Variants in CHCHD6 observed in about 807,000 individuals in gnomAD.
The protein encoded by CHCHD6 is MICOS complex subunit MIC25.
Under a neutral mutation model 32.3 loss-of-function variants are expected in CHCHD6, and 28 were observed. The observed-to-expected ratio is 0.87, with a 90% confidence interval of 0.64 to 1.19. The LOEUF (loss-of-function observed/expected upper bound fraction) is 1.19, where lower values mean the gene tolerates loss of function less well. Among genes scored for constraint, CHCHD6 ranks in the 50% most tolerant of loss-of-function variants. CHCHD6 has a pLI of 0.00. For missense variants in CHCHD6, 333 were observed against 307.0 expected (o/e 1.08, Z -0.63); for synonymous variants, 122 against 117.5 (o/e 1.04, Z -0.25).
chr3:126,897,333 C>A (rs972713636), intron 5 of CHCHD6, among the ~76,000 whole-genome samples: 1 of 152,196 alleles, frequency 6.6e-6, no homozygotes, highest in Non-Finnish European at 1.5e-5. Flanking sequence ...TAGATAACGA[C>A]TCTGAAAGAT....
Position 126,818,436 on chromosome 3 carries a change from C to T in CHCHD6, c.412-34211C>T, listed in dbSNP as rs141492191. 2.2e-3 allele frequency among the ~76,000 whole-genome samples: 332 copies of T among 152,268 alleles called. 1 individual carries two copies. Among genetic ancestry groups the T allele is most frequent in the African/African-American group, 7.7e-3 (320 of 41,550 alleles). The stretch of plus-strand genomic sequence containing the variant: ...GATCCCCTCAGTGACAGACAGCCTG[C>T]TTCTCTGCCTTTCATTTGTTTGTTA... On this transcript the variant is annotated intron_variant, in intron 4 of 7. Transcript: ENST00000290913.
chr3:126,843,009 A>G (rs1941160757), intron 4 of CHCHD6, among the ~76,000 whole-genome samples: 1 of 152,110 alleles, frequency 6.6e-6, no homozygotes, highest in African/African-American at 2.4e-5. Context: ...GTCTTAGGGA[A>G]AGAGCCTTCA....
chr3:126,872,080 C>CT (rs879329036), intron 5 of CHCHD6, among the ~76,000 whole-genome samples: 3 of 152,166 alleles, frequency 2.0e-5, no homozygotes, highest in Non-Finnish European at 4.4e-5. Flanking sequence ...ACCAGGGGTG[C>CT]TTTTGCCCTT....
intron 1 of CHCHD6, among the ~76,000 whole-genome samples, chr3:126,717,514 G>A (rs1935076670): frequency 6.6e-6 from 1 of 152,178 alleles, no homozygotes; most frequent in Non-Finnish European, 1.5e-5. Flanking sequence ...TGCACCTATA[G>A]TCCTGGCTAC....
chr3:126,836,341 CT>C (rs750361990), intron 4 of CHCHD6, among the ~76,000 whole-genome samples: 8 of 152,198 alleles, frequency 5.3e-5, no homozygotes, highest in South Asian at 2.1e-4. Context: ...TCCCTAAGAT[CT>C]TCGTGGCCTT....
chr3:126,756,062 T>C (rs1936946020), intron 4 of CHCHD6, among the ~76,000 whole-genome samples: 1 of 152,104 alleles, frequency 6.6e-6, no homozygotes, highest in Non-Finnish European at 1.5e-5. Context: ...GAATCCCTGT[T>C]GCAGCAGCTG....
intron 4 of CHCHD6, among the ~76,000 whole-genome samples, chr3:126,745,521 A>T (rs1265622291): frequency 6.6e-6 from 1 of 152,162 alleles, no homozygotes; most frequent in Admixed American, 6.5e-5. Flanking sequence ...CTAGGAGAGG[A>T]GCTACACGGG....
At chr3:126,933,616 C>T (rs1397808082) in intron 6 of CHCHD6, among the ~76,000 whole-genome samples, 1 of 152,102 alleles carries the variant, frequency 6.6e-6, no homozygotes, top group Non-Finnish European at 1.5e-5. Flanking sequence ...ATAATCAACT[C>T]TCATTATTCG....
chr3:126,873,897 T>C (rs2077508379), intron 5 of CHCHD6, among the ~76,000 whole-genome samples: 1 of 152,178 alleles, frequency 6.6e-6, no homozygotes, highest in Admixed American at 6.5e-5. Context: ...GCTTGTTAAG[T>C]GGTAGAAGCG....
At chr3:126,772,641 G>A (rs898527021) in intron 4 of CHCHD6, among the ~76,000 whole-genome samples, 2 of 152,156 alleles carry the variant, frequency 1.3e-5, no homozygotes, top group East Asian at 1.9e-4. Flanking sequence ...TTGCATGTGA[G>A]ATGGGTCTCT....
At position 126,742,770 on chromosome 3, in the gene CHCHD6, C is replaced by T. The variant is rs891374743; in HGVS notation, c.411+9548C>T. 2.0e-5 allele frequency among the ~76,000 whole-genome samples: 3 copies of T among 152,148 alleles called. No individual in the cohort carries two copies. The East Asian group carries it at 5.8e-4, about 29-fold the overall frequency. ...AAGAAGGTTCCCATCAGGTGTAGCCCCATGACTTGGACTTCTCAGCCTCTA... is the reference window on the plus strand; with the variant it reads ...AAGAAGGTTCCCATCAGGTGTAGCCTCATGACTTGGACTTCTCAGCCTCTA... On this transcript the variant is annotated intron_variant, in intron 4 of 7. Coordinates refer to ENST00000290913, the MANE Select transcript of CHCHD6 (RefSeq NM_032343.3).
chr3:126,960,136 G>A (rs958461215), intron 7 of CHCHD6, 60 bp from the exon 8 acceptor site: 5 of 1,549,998 alleles, frequency 3.2e-6, no homozygotes, highest in Non-Finnish European at 3.5e-6. Flanking sequence ...CGATCTGCAC[G>A]GAGCTGGAGG....
intron 4 of CHCHD6, among the ~76,000 whole-genome samples, chr3:126,838,406 T>C (rs76870627): frequency 0.018 from 2,743 of 152,298 alleles, 31 homozygotes; most frequent in Middle Eastern, 0.051. Context: ...TCTGTGCCTT[T>C]GAAGGAGCTG....
chr3:126,890,810 G>T (rs574447291), intron 5 of CHCHD6, among the ~76,000 whole-genome samples: 59 of 152,302 alleles, frequency 3.9e-4, no homozygotes, highest in Non-Finnish European at 7.5e-4. Context: ...GCCTGTTTCT[G>T]TCCCTAGTCC....
chr3:126,886,590 C>T lies in CHCHD6; in HGVS notation c.496-28090C>T, dbSNP rs555084311. The stretch of plus-strand genomic sequence containing the variant: ...TTCCCATTGTGACTCTGTTTCCCCT[C>T]GTTCCCGTTCAGCCCTGCCTGCTCA... On this transcript the variant is annotated intron_variant, in intron 5 of 7. Transcript: ENST00000290913. Among the ~76,000 whole-genome samples, 12 of 152,316 alleles carry T rather than the reference C, an allele frequency of 7.9e-5. No homozygotes were observed. The South Asian group carries it at 2.1e-3, about 26-fold the overall frequency.
At chr3:126,782,736 G>A (rs1035687318) in intron 4 of CHCHD6, among the ~76,000 whole-genome samples, 3 of 152,126 alleles carry the variant, frequency 2.0e-5, no homozygotes, top group African/African-American at 7.2e-5. Context: ...AAATTCCTGA[G>A]CAAGTCACAC....
intron 4 of CHCHD6, among the ~76,000 whole-genome samples, chr3:126,786,142 A>G (rs1559842596): frequency 6.6e-6 from 1 of 152,176 alleles, no homozygotes; most frequent in Non-Finnish European, 1.5e-5. Flanking sequence ...CCATGTCCCT[A>G]TAAAGGACAT....
chr3:126,758,118 C>T (rs570533130), intron 4 of CHCHD6, among the ~76,000 whole-genome samples: 4 of 152,338 alleles, frequency 2.6e-5, no homozygotes, highest in Admixed American at 6.5e-5. Context: ...AAACAGGCCA[C>T]TGCCAGCTGC....
In CHCHD6 at chr3:126,878,743, C is replaced by A. The variant is rs181912021; in HGVS notation, c.495+26013C>A. ...AGATTGTTGGGAAATAGGATAATCA[C>A]AGGTCTTGTAGCATCACCCTTCAGA... On this transcript the variant is annotated intron_variant, in intron 5 of 7. Transcript: ENST00000290913. Among the ~76,000 whole-genome samples the A allele has an allele frequency of 8.3e-4, 126 of 152,364 alleles. 2 individuals carry two copies. Among genetic ancestry groups the A allele is most frequent in the Non-Finnish European group, 5.7e-4 (39 of 68,040 alleles).
Sources: gnomAD v4.1 joint callset for allele counts (sites outside exome capture counted in the v4.1 genomes callset) on GRCh38, gnomAD v4.1.1 for gene constraint, MANE v1.5 for transcripts, NCBI Gene and HGNC (gene_info 2026-07-23, HGNC 2026-07-21) for gene names.